Variants in SPTB observed in about 807,000 individuals in gnomAD.
SPTB encodes spectrin beta, erythrocytic, also known as spectrin beta chain, erythrocytic.
A neutral mutation model predicts 256.2 loss-of-function variants in SPTB; 45 were observed. The observed-to-expected ratio is 0.18, with a 90% CI of 0.14 to 0.23. The LOEUF (loss-of-function observed/expected upper bound fraction) is 0.23. Among genes scored for constraint, SPTB ranks in the 10% least tolerant of loss-of-function variants. SPTB has a pLI of 1.00. For missense variants in SPTB, 2,715 were observed against 3,040.4 expected, an observed-to-expected ratio of 0.89 and a Z score of 2.52; for synonymous variants, 1,231 against 1,243.1, an observed-to-expected ratio of 0.99 and a Z score of 0.21.
At chr14:64,757,555 A>G (rs1190970311) in intron 32 of SPTB, 1 of 152,244 alleles carries the variant, frequency 6.6e-6, no homozygotes, top group Non-Finnish European at 1.5e-5. Flanking sequence ...TTTAAAATGC[A>G]TCTTGTACTC....
In SPTB at chr14:64,792,182, T is replaced by C. The variant is rs534440123; in HGVS notation, c.2667-326A>G. On this transcript the variant is annotated intron_variant, in intron 14 of 35. Coordinates refer to ENST00000644917, the MANE Select transcript of SPTB (RefSeq NM_001355436.2). The surrounding 1 kb of genome is among the most constrained non-coding windows in gnomAD (Gnocchi z 4.2). ...TGTGTATTTGTGTGGGGGATGTCAA[T>C]TGTCACAAGGGCCACCTTCCAGGCC... is the stretch of plus-strand genomic sequence containing the variant. Among the ~76,000 whole-genome samples, 55 of 152,258 alleles carry C rather than the reference T, an allele frequency of 3.6e-4. No individual in the cohort carries two copies. The highest frequency in any genetic ancestry group is 4.1e-4 in the South Asian group (2 of 4,820).
chr14:64,775,331 C>T lies in SPTB; in HGVS notation c.4636G>A (p.Glu1546Lys). The change falls in exon 23 of 36, where the codon GAG becomes AAG. Residue 1546 changes from glutamate to lysine, a missense_variant. Glu to Lys is a moderately conservative substitution (Grantham distance 56). This residue lies in a region of SPTB where 2,239 missense variants were observed against 2,384.4 expected (regional missense o/e 0.94). Transcript: ENST00000644917. This position sits in a 1 kb window ranked among gnomAD's most constrained non-coding sequence, Gnocchi z 5.0. ...TCCTGGCAGTCGATCTCCGCCGCCT[C>T]CACCAGCTGCTGCCCTCTCTGCAGC... ...DVLQRGQQLV[E>K]AAEIDCQDLE... 1 of 1,613,496 alleles carries T rather than the reference C, an allele frequency of 6.2e-7. No individual in the cohort carries two copies.
rs114258703 is a variant in SPTB, at chr14:64,845,674, C to T, written c.-51-22529G>A. Reference sequence around the variant, plus strand: ...TTACAAAGCTGCCAAGCTATTCCAGCCTTTGACAATAGGAAATTATCATGT... The same window carrying T: ...TTACAAAGCTGCCAAGCTATTCCAGTCTTTGACAATAGGAAATTATCATGT... On this transcript the variant is annotated intron_variant, in intron 1 of 35. Coordinates refer to ENST00000644917, the MANE Select transcript of SPTB (RefSeq NM_001355436.2). The surrounding 1 kb of genome is among the most constrained non-coding windows in gnomAD (Gnocchi z 4.8). Among the ~76,000 whole-genome samples the T allele has an allele frequency of 3.4e-3, 516 of 152,310 alleles. 1 individual carries two copies. The highest frequency in any genetic ancestry group is 0.012 in the African/African-American group (481 of 41,552).
Position 64,816,350 on chromosome 14 carries a change from C to T in SPTB, c.148+6597G>A, listed in dbSNP as rs949473299. 6.6e-6 allele frequency among the ~76,000 whole-genome samples: 1 copy of T among 152,176 alleles called. No homozygotes were observed. Among genetic ancestry groups the T allele is most frequent in the African/African-American group, 2.4e-5 (1 of 41,440 alleles). ...CCCTCCTTAAACTCCACAGCCACCCCTTTTGAGTTTTTCTCTGCTTCCTGC... is the reference window on the plus strand; with the variant it reads ...CCCTCCTTAAACTCCACAGCCACCCTTTTTGAGTTTTTCTCTGCTTCCTGC... On this transcript the variant is annotated intron_variant, in intron 2 of 35. Coordinates refer to ENST00000644917, the MANE Select transcript of SPTB (RefSeq NM_001355436.2). This position sits in a 1 kb window ranked among gnomAD's most constrained non-coding sequence, Gnocchi z 4.2.
chr14:64,807,507 G>A lies in SPTB; in HGVS notation c.149-2417C>T, dbSNP rs2269297. Among the ~76,000 whole-genome samples, 43,993 of 152,098 alleles carry A rather than the reference G, an allele frequency of 0.29. 6,473 individuals are homozygous for A. The highest frequency in any genetic ancestry group is 0.38 in the Middle Eastern group (113 of 294). On this transcript the variant is annotated intron_variant, in intron 2 of 35. Transcript: ENST00000644917. This position sits in a 1 kb window ranked among gnomAD's most constrained non-coding sequence, Gnocchi z 4.7. ...TTGAGCACAGGCAGGTGGCCTCCTA[G>A]CTGCCTTTTATTTGAAGGCTGGAGT... is the stretch of plus-strand genomic sequence containing the variant.
At position 64,866,256 on chromosome 14, in the gene SPTB, A is replaced by C. The variant is rs1267404213; in HGVS notation, c.-52+13536T>G. Among the ~76,000 whole-genome samples the C allele has an allele frequency of 2.6e-5, 4 of 151,982 alleles. No individual in the cohort carries two copies. The highest frequency in any genetic ancestry group is 5.9e-5 in the Non-Finnish European group (4 of 68,000). ...CTAGAAGCTGCTAGTTGTTTATCCT[A>C]CCCTCACTGTCAGCTCTCCATCGAG... On this transcript the variant is annotated intron_variant, in intron 1 of 35. Transcript: ENST00000644917. This position sits in a 1 kb window ranked among gnomAD's most constrained non-coding sequence, Gnocchi z 4.6.
Position 64,793,921 on chromosome 14 carries a change from G to A in SPTB, c.1796-54C>T. 6.5e-7 allele frequency: 1 copy of A among 1,549,804 alleles called. No homozygotes were observed. Among genetic ancestry groups the A allele is most frequent in the South Asian group, 1.2e-5 (1 of 82,858 alleles). On this transcript the variant is annotated intron_variant, in intron 13 of 35. Coordinates refer to ENST00000644917, the MANE Select transcript of SPTB (RefSeq NM_001355436.2). This position sits in a 1 kb window ranked among gnomAD's most constrained non-coding sequence, Gnocchi z 7.0. ...AGTGGGGGATGGGCTTCATTTATGG[G>A]CACGCTTCAGATAAGCTGCTAGGTT...
chr14:64,810,596 C>T (rs2083070280), intron 2 of SPTB, among the ~76,000 whole-genome samples: 1 of 152,094 alleles, frequency 6.6e-6, no homozygotes, highest in African/African-American at 2.4e-5. Flanking sequence ...ATGAGAATCG[C>T]TTGAACTTGG....
In SPTB at chr14:64,766,775, G is replaced by A; in HGVS notation, c.6296C>T (p.Ala2099Val). ...TGPQEEEGET[A>V]GEAPVSHHAA... ...ATGGTGGGAAACTGGAGCCTCCCCTGCTGTCTCGCCTTCCTCCTCTTGAGG... is the reference window on the plus strand; with the variant it reads ...ATGGTGGGAAACTGGAGCCTCCCCTACTGTCTCGCCTTCCTCCTCTTGAGG... Residue 2099 changes from alanine to valine, a missense_variant, in exon 32 of 36, where the codon GCA (alanine) becomes GTA (valine). This residue lies in a region of SPTB where 2,239 missense variants were observed against 2,384.4 expected (regional missense o/e 0.94). Transcript: ENST00000644917. 1 of 1,612,526 alleles carries A rather than the reference G, an allele frequency of 6.2e-7. No homozygotes were observed. Among genetic ancestry groups the A allele is most frequent in the East Asian group, 2.2e-5 (1 of 44,860 alleles).
intron 31 of SPTB, 152 bp downstream of exon 31, chr14:64,767,151 C>T: frequency 2.9e-6 from 3 of 1,051,346 alleles, no homozygotes; most frequent in Non-Finnish European, 4.4e-6. Context: ...GTCCTCTGCG[C>T]TCATGCTCAG....
At position 64,764,828 on chromosome 14, in the gene SPTB, C is replaced by A. The variant is rs774782914; in HGVS notation, c.6345+1898G>T. On this transcript the variant is annotated intron_variant, in intron 32 of 35. Transcript: ENST00000644917. This position sits in a 1 kb window ranked among gnomAD's most constrained non-coding sequence, Gnocchi z 4.2. ...GCTCTCCTTCCGGCAGGGGCTGTTGCTGGGAAAAAGGGGCTGGGACACAGT... is the reference window on the plus strand; with the variant it reads ...GCTCTCCTTCCGGCAGGGGCTGTTGATGGGAAAAAGGGGCTGGGACACAGT... Among the ~76,000 whole-genome samples, 2 of 152,068 alleles carry A rather than the reference C, an allele frequency of 1.3e-5. No individual in the cohort carries two copies. Among genetic ancestry groups the A allele is most frequent in the Non-Finnish European group, 2.9e-5 (2 of 68,008 alleles).
rs1470181894 is a variant in SPTB, at chr14:64,777,652, G to T, written c.4563+1505C>A. Among the ~76,000 whole-genome samples, 1 of 152,132 alleles carries T rather than the reference G, an allele frequency of 6.6e-6. No homozygotes were observed. Among genetic ancestry groups the T allele is most frequent in the East Asian group, 1.9e-4 (1 of 5,180 alleles). ...CTACCCCCAGAGCTTGATGCAGTAG[G>T]GATCTGGGGGTGGCACCTGGTTAAG... On this transcript the variant is annotated intron_variant, in intron 22 of 35. Coordinates refer to ENST00000644917, the MANE Select transcript of SPTB (RefSeq NM_001355436.2). This position sits in a 1 kb window ranked among gnomAD's most constrained non-coding sequence, Gnocchi z 4.5.
chr14:64,773,297 C>T lies in SPTB; in HGVS notation c.5101G>A (p.Asp1701Asn), dbSNP rs369208136. The T allele has an allele frequency of 9.3e-5, 150 of 1,614,192 alleles. No homozygotes were observed. The highest frequency in any genetic ancestry group is 1.6e-4 in the Middle Eastern group (1 of 6,062). ...TTTTCTGAAATCCACTGCTCCAGGT[C>T]GTCGGTCTCCCGCTTGAGCTGGAAC... ...HLFQLKRETD[D>N]LEQWISEKEL... The change falls in exon 25 of 36, where the codon GAC becomes AAC. Residue 1701 changes from aspartate (D) to asparagine (N), a missense_variant. By Grantham distance (23) the Asp-to-Asn change is conservative (BLOSUM62 1). Coordinates refer to ENST00000644917, the MANE Select transcript of SPTB (RefSeq NM_001355436.2).
At position 64,773,129 on chromosome 14, in the gene SPTB, C is replaced by T. The variant is rs909693128; in HGVS notation, c.5178+91G>A. The T allele has an allele frequency of 9.5e-6, 15 of 1,575,206 alleles. No individual in the cohort carries two copies. The African/African-American group carries it at 1.9e-4, about 20-fold the overall frequency. ...CCGCCTCACACTGGGGAGGTTACGT[C>T]CTATGCAGCACTCTGTGTGTCTTGA... On this transcript the variant is annotated intron_variant, in intron 25 of 35. Coordinates refer to ENST00000644917, the MANE Select transcript of SPTB (RefSeq NM_001355436.2).
intron 33 of SPTB, chr14:64,752,172 A>T (rs1358379009): frequency 7.5e-7 from 1 of 1,339,578 alleles, no homozygotes; most frequent in Admixed American, 2.0e-5. Context: ...AGGGAATCAA[A>T]CTGATAACAG....
chr14:64,749,555 T>G lies in SPTB; in HGVS notation c.6820-82A>C. 6.2e-7 allele frequency: 1 copy of G among 1,603,368 alleles called. No homozygotes were observed. Among genetic ancestry groups the G allele is most frequent in the Non-Finnish European group, 8.5e-7 (1 of 1,178,518 alleles). ...GCCAGGCAACAATGGTGGGGGCTCT[T>G]GGGACTGCCCCTTCTGAGGGGGCCT... On this transcript the variant is annotated intron_variant, in intron 35 of 35. Transcript: ENST00000644917. The surrounding 1 kb of genome is among the most constrained non-coding windows in gnomAD (Gnocchi z 4.7).
At chr14:64,787,776 G>A (rs563676656) in intron 15 of SPTB, among the ~76,000 whole-genome samples, 30 of 152,320 alleles carry the variant, frequency 2.0e-4, no homozygotes, top group Non-Finnish European at 1.6e-4. Flanking sequence ...TATGAAATAC[G>A]GAAATGTGCT....
At chr14:64,867,260 C>T (rs926368048) in intron 1 of SPTB, among the ~76,000 whole-genome samples, 2 of 152,164 alleles carry the variant, frequency 1.3e-5, no homozygotes, top group Admixed American at 1.3e-4. Context: ...ATTTACAGTG[C>T]CTAATATTCT....
chr14:64,870,219 G>C lies in SPTB; in HGVS notation c.-52+9573C>G, dbSNP rs752258686. ...TGTCAGGCAAGGTTACAAAGAGAAG[G>C]CAACATGTAAGTTTTACAGAGGAAT... On this transcript the variant is annotated intron_variant, in intron 1 of 35. Coordinates refer to ENST00000644917, the MANE Select transcript of SPTB (RefSeq NM_001355436.2). Among the ~76,000 whole-genome samples the C allele has an allele frequency of 1.4e-4, 21 of 151,896 alleles. 1 individual carries two copies. Among genetic ancestry groups the C allele is most frequent in the Non-Finnish European group, 2.6e-4 (18 of 68,016 alleles).
Sources: gnomAD v4.1 joint callset for allele counts (sites outside exome capture counted in the v4.1 genomes callset) on GRCh38, gnomAD v4.1.1 for gene constraint, gnomAD v4.1.1 regional missense constraint, Gnocchi (gnomAD v3.1) non-coding constraint, MANE v1.5 for transcripts, NCBI Gene and HGNC (gene_info 2026-07-23, HGNC 2026-07-21) for gene names.